ST6GALNAC1: variants seen among roughly 807,000 people sequenced by gnomAD.
ST6GALNAC1 encodes alpha-N-acetylgalactosaminide alpha-2,6-sialyltransferase 1.
A neutral mutation model predicts 56.8 loss-of-function variants in ST6GALNAC1; 45 were observed. That is an observed-to-expected ratio of 0.79 (90% CI 0.62 to 1.02). The LOEUF (loss-of-function observed/expected upper bound fraction) is 1.02. Among genes scored for constraint, ST6GALNAC1 ranks in the 50% least tolerant of loss-of-function variants. The pLI is 0.00. For synonymous variants in ST6GALNAC1, 295 were observed against 297.8 expected (o/e 0.99, Z 0.10); for missense variants, 743 against 754.8 (o/e 0.98, Z 0.18).
the ST6GALNAC1 span, among the ~76,000 whole-genome samples, chr17:76,618,434 G>A: frequency 2.0e-5 from 3 of 152,176 alleles, no homozygotes; most frequent in South Asian, 4.2e-4. Context: ...AAGATAATTC[G>A]TGGTAAATGT....
rs536267518 is a variant in ST6GALNAC1 at position 76,626,376 on chromosome 17, T to C, written c.1328A>G (p.His443Arg). 1 of 1,614,104 alleles carries C rather than the reference T, an allele frequency of 6.2e-7. No homozygotes were observed. Among genetic ancestry groups the C allele is most frequent in the Non-Finnish European group, 8.5e-7 (1 of 1,180,012 alleles). ...ATAGTCCCGGGTGCCTTCCAGGAAG[T>C]GCAAGTAGCGGACGTCCTGAGGACC... ...VPLGKDVRYL[H>R]FLEGTRDYEW... The change falls in exon 6 of 9, where the codon CAC becomes CGC. Residue 443 changes from histidine (H) to arginine (R), a missense_variant. His to Arg is a conservative substitution (Grantham distance 29). Coordinates refer to ENST00000156626, the MANE Select transcript of ST6GALNAC1 (RefSeq NM_018414.5).
chr17:76,617,491 T>G, the ST6GALNAC1 span, among the ~76,000 whole-genome samples: 3 of 152,156 alleles, frequency 2.0e-5, no homozygotes, highest in Non-Finnish European at 2.9e-5. Flanking sequence ...CACCTCCCCA[T>G]GCAAAAGAAG....
the ST6GALNAC1 span, among the ~76,000 whole-genome samples, chr17:76,618,859 G>A: frequency 1.3e-5 from 2 of 152,028 alleles, no homozygotes; most frequent in East Asian, 1.9e-4. Context: ...TGGGAGGATC[G>A]CTTGAACCTA....
At position 76,627,180 on chromosome 17, in the gene ST6GALNAC1, G is replaced by A. The variant is rs1244788975; in HGVS notation, c.1059C>T (p.Ala353=). Residue 353 remains alanine, a synonymous_variant, in exon 4 of 9, where the codon GCC becomes GCT. Coordinates refer to ENST00000156626, the MANE Select transcript of ST6GALNAC1 (RefSeq NM_018414.5). This position sits in a 1 kb window ranked among gnomAD's most constrained non-coding sequence, Gnocchi z 4.4. ...ACCGGAGGCTCCCAGCGGGGAGGCTGGCCAGGAGCAGCTGCTGCTGGGGCA... is the reference window on the plus strand; with the variant it reads ...ACCGGAGGCTCCCAGCGGGGAGGCTAGCCAGGAGCAGCTGCTGCTGGGGCA... The part of the protein sequence containing the change: ...PPVPQQQLLL[A]SLPAGSLRCI... The A allele has an allele frequency of 6.2e-7, 1 of 1,601,834 alleles. No homozygotes were observed. Among genetic ancestry groups the A allele is most frequent in the South Asian group, 1.1e-5 (1 of 89,314 alleles).
intron 1 of ST6GALNAC1, chr17:76,637,491 T>C (rs1029578795): frequency 2.6e-6 from 1 of 384,460 alleles, no homozygotes; most frequent in Non-Finnish European, 4.6e-6. Flanking sequence ...ATTTTTATAA[T>C]TTTATCATTT....
chr17:76,628,544 C>T (rs1265239917), intron 2 of ST6GALNAC1, among the ~76,000 whole-genome samples: 2 of 152,220 alleles, frequency 1.3e-5, no homozygotes, highest in South Asian at 2.1e-4. Context: ...TGGGAGAGAG[C>T]GAAGGCTGTG....
intron 1 of ST6GALNAC1, among the ~76,000 whole-genome samples, chr17:76,632,756 G>T (rs1309049126): frequency 6.6e-6 from 1 of 152,196 alleles, no homozygotes; most frequent in African/African-American, 2.4e-5. Context: ...GACCCTGTGA[G>T]CTGGGCTGGG....
At position 76,624,769 on chromosome 17, in the gene ST6GALNAC1, G is replaced by A. The variant is rs2075772591; in HGVS notation, c.*561C>T. 6.5e-6 allele frequency: 1 copy of A among 153,570 alleles called. No homozygotes were observed. Among genetic ancestry groups the A allele is most frequent in the African/African-American group, 2.4e-5 (1 of 41,446 alleles). The allele number at this position is 153,570 out of a possible 1,614,324, so 9.5% of individuals were successfully genotyped here. On this transcript the variant is annotated 3_prime_UTR_variant, in exon 9 of 9. Transcript: ENST00000156626. ...AGTAACAACTAGTTGCATCTTCACT[G>A]TAGAAAATTTATTTGCCTTTCCATG...
In ST6GALNAC1 at chr17:76,631,065, C is replaced by CTG. The variant is rs34663902; in HGVS notation, c.132-1356_132-1355dup. On this transcript the variant is annotated intron_variant, in intron 1 of 8. Coordinates refer to ENST00000156626, the MANE Select transcript of ST6GALNAC1 (RefSeq NM_018414.5). Reference sequence around the variant, plus strand: ...ATGCACCACCATGCCCAGCTAATCTCTGTGTGTGTGTGTGTGTGTGTGTGT... The same window carrying CTG: ...ATGCACCACCATGCCCAGCTAATCTCTGTGTGTGTGTGTGTGTGTGTGTGTGT... Among the ~76,000 whole-genome samples the CTG allele has an allele frequency of 9.6e-3, 1,410 of 146,890 alleles. 13 individuals carry two copies. Among genetic ancestry groups the CTG allele is most frequent in the East Asian group, 0.025 (124 of 4,914 alleles).
intron 1 of ST6GALNAC1, among the ~76,000 whole-genome samples, 184 bp from the exon 2 acceptor site, chr17:76,629,895 G>T (rs2143441564): frequency 6.7e-6 from 1 of 148,560 alleles, no homozygotes; most frequent in East Asian, 2.0e-4. Context: ...TCATTCTCCT[G>T]CCCCACCCCC....
intron 1 of ST6GALNAC1, among the ~76,000 whole-genome samples, chr17:76,639,638 A>ACACACACACACAC (rs2076020185): frequency 8.0e-6 from 1 of 125,170 alleles, no homozygotes; most frequent in African/African-American, 3.3e-5. Flanking sequence ...TTACATGATA[A>ACACACACACACAC]ACACACACAC....
chr17:76,627,887 G>A lies in ST6GALNAC1; in HGVS notation c.832-304C>T, dbSNP rs541474239. On this transcript the variant is annotated intron_variant, in intron 2 of 8. Coordinates refer to ENST00000156626, the MANE Select transcript of ST6GALNAC1 (RefSeq NM_018414.5). The surrounding 1 kb of genome is among the most constrained non-coding windows in gnomAD (Gnocchi z 4.4). ...CCGAGGCGGGTGGATCACAAGGTCA[G>A]GAGATCGAGACCATCCTGGCTAACA... Among the ~76,000 whole-genome samples, 1,182 of 152,116 alleles carry A rather than the reference G, an allele frequency of 7.8e-3. 20 individuals carry two copies. Among genetic ancestry groups the A allele is most frequent in the African/African-American group, 0.026 (1,091 of 41,486 alleles).
chr17:76,621,457 A>C (rs973033796), downstream of ST6GALNAC1, among the ~76,000 whole-genome samples: 2 of 151,168 alleles, frequency 1.3e-5, no homozygotes, highest in African/African-American at 2.4e-5. Flanking sequence ...CTGGGATTAC[A>C]GGCATAAGCC....
At chr17:76,639,812 G>T (rs377591673) in intron 1 of ST6GALNAC1, among the ~76,000 whole-genome samples, 1 of 151,780 alleles carries the variant, frequency 6.6e-6, no homozygotes, top group Admixed American at 6.6e-5. Context: ...GATGAGATGA[G>T]GGGGAGATTG....
At chr17:76,623,474 T>C (rs1230745303), downstream of ST6GALNAC1, among the ~76,000 whole-genome samples, 1 of 152,228 alleles carries the variant, frequency 6.6e-6, no homozygotes, top group Non-Finnish European at 1.5e-5. Flanking sequence ...TATTGAGTCA[T>C]CTTTTCCAAG....
intron 1 of ST6GALNAC1, among the ~76,000 whole-genome samples, chr17:76,630,553 A>G (rs1598297208): frequency 6.8e-6 from 1 of 147,040 alleles, no homozygotes; most frequent in Admixed American, 6.8e-5. Context: ...CTTCCTCCTT[A>G]CCTCCCAGGG....
At chr17:76,637,900 C>T (rs962305778) in intron 1 of ST6GALNAC1, among the ~76,000 whole-genome samples, 4 of 152,044 alleles carry the variant, frequency 2.6e-5, no homozygotes, top group Admixed American at 1.3e-4. Flanking sequence ...GGCATGATCT[C>T]GGCTCACTGG....
chr17:76,621,093 T>G (rs1598283168), downstream of ST6GALNAC1, among the ~76,000 whole-genome samples: 1 of 152,192 alleles, frequency 6.6e-6, no homozygotes, highest in Admixed American at 6.5e-5. Flanking sequence ...AGTCACAGAC[T>G]GTAAACTGTT....
intron 1 of ST6GALNAC1, among the ~76,000 whole-genome samples, chr17:76,636,646 G>A (rs1196860317): frequency 3.3e-5 from 5 of 150,806 alleles, no homozygotes; most frequent in Admixed American, 6.6e-5. Context: ...CTCCCCGTCC[G>A]GGAGGTGGGG....
Sources: allele counts gnomAD v4.1 joint callset (sites outside exome capture counted in the v4.1 genomes callset), GRCh38; gene constraint gnomAD v4.1.1; non-coding constraint Gnocchi (gnomAD v3.1); transcripts MANE v1.5; gene names NCBI Gene and HGNC (gene_info 2026-07-23, HGNC 2026-07-21).